RAP1GDS1: variants seen among roughly 807,000 people sequenced by gnomAD.
RAP1GDS1 encodes the protein Rap1 GTPase-GDP dissociation stimulator 1, also known as RAP1, GTP-GDP dissociation stimulator 1.
Under a neutral mutation model 71.1 loss-of-function variants are expected in RAP1GDS1, and 35 were observed. The observed-to-expected ratio is 0.49, with a 90% CI of 0.38 to 0.65. The LOEUF (loss-of-function observed/expected upper bound fraction) is 0.65, where lower values mean the gene tolerates loss of function less well. Among genes scored for constraint, RAP1GDS1 ranks in the 30% least tolerant of loss-of-function variants. The probability of loss-of-function intolerance (pLI) is 0.00; values close to 1 mark genes in which losing one functional copy is unlikely to be tolerated. For synonymous variants in RAP1GDS1, 229 were observed against 243.1 expected (o/e 0.94, Z 0.54); for missense variants, 663 against 706.1 (o/e 0.94, Z 0.69).
Position 98,436,980 on chromosome 4 carries a change from G to C in RAP1GDS1, c.1608G>C (p.Gln536His). Residue 536 changes from glutamine (Q) to histidine (H), a missense_variant, in exon 14 of 15, where the codon CAG becomes CAC. Transcript: ENST00000408927. ...ATCTAGAAAGTGCTAAACTTGTACA[G>C]ATTTTACATAGACTGCTAGCAGATG... ...EKDLESAKLVQILHRLLADER... is the reference protein window; with the variant it reads ...EKDLESAKLVHILHRLLADER... 1.2e-6 allele frequency: 2 copies of C among 1,612,348 alleles called. No homozygotes were observed. Among genetic ancestry groups the C allele is most frequent in the Non-Finnish European group, 1.7e-6 (2 of 1,179,548 alleles).
At chr4:98,317,225 TG>T (rs530014444) in intron 2 of RAP1GDS1, among the ~76,000 whole-genome samples, 21 of 152,282 alleles carry the variant, frequency 1.4e-4, no homozygotes, top group African/African-American at 3.4e-4. Flanking sequence ...CATCTTGCCT[TG>T]GCCTTTCCCC....
chr4:98,296,457 A>G (rs1727772343), intron 2 of RAP1GDS1, among the ~76,000 whole-genome samples: 1 of 152,168 alleles, frequency 6.6e-6, no homozygotes, highest in South Asian at 2.1e-4. Flanking sequence ...CTTAAGAGAC[A>G]AGAAGATTTG....
chr4:98,296,531 T>C (rs1245176947), intron 2 of RAP1GDS1, among the ~76,000 whole-genome samples: 1 of 152,146 alleles, frequency 6.6e-6, no homozygotes, highest in African/African-American at 2.4e-5. Flanking sequence ...ATCTATGATC[T>C]AAATTAATAT....
At chr4:98,346,133 A>G (rs1256287100) in intron 3 of RAP1GDS1, among the ~76,000 whole-genome samples, 2 of 152,206 alleles carry the variant, frequency 1.3e-5, no homozygotes, top group Admixed American at 1.3e-4. Context: ...GCTGATGAGT[A>G]TAAAGCTTGA....
intron 2 of RAP1GDS1, among the ~76,000 whole-genome samples, chr4:98,325,462 C>T (rs1404446145): frequency 1.3e-5 from 2 of 151,824 alleles, no homozygotes; most frequent in Non-Finnish European, 2.9e-5. Context: ...GCTATAAAGA[C>T]ACATGCACAT....
At chr4:98,398,415 C>T (rs1398207626) in intron 6 of RAP1GDS1, among the ~76,000 whole-genome samples, 9 of 152,018 alleles carry the variant, frequency 5.9e-5, no homozygotes. Flanking sequence ...GACCATAGCG[C>T]ATCAATGTGA....
intron 6 of RAP1GDS1, among the ~76,000 whole-genome samples, chr4:98,401,150 C>A (rs1468466874): frequency 6.6e-6 from 1 of 152,038 alleles, no homozygotes; most frequent in Non-Finnish European, 1.5e-5. Flanking sequence ...TGGGTTAGGT[C>A]AAAAAACTGG....
At chr4:98,369,372 G>A (rs1382152269) in intron 4 of RAP1GDS1, among the ~76,000 whole-genome samples, 1 of 152,108 alleles carries the variant, frequency 6.6e-6, no homozygotes, top group African/African-American at 2.4e-5. Context: ...ATATGATCTA[G>A]CTGTTTTATT....
chr4:98,429,852 G>C (rs1230652990), intron 12 of RAP1GDS1, among the ~76,000 whole-genome samples: 1 of 151,794 alleles, frequency 6.6e-6, no homozygotes, highest in Non-Finnish European at 1.5e-5. Flanking sequence ...GTTACATGTA[G>C]TAGTAAGGCT....
intron 2 of RAP1GDS1, among the ~76,000 whole-genome samples, chr4:98,299,189 A>G (rs1402017651): frequency 1.3e-5 from 2 of 152,188 alleles, no homozygotes; most frequent in Non-Finnish European, 2.9e-5. Flanking sequence ...TAGTTTGCTC[A>G]GAATGATGGT....
chr4:98,343,791 G>A (rs1463115144), intron 3 of RAP1GDS1, among the ~76,000 whole-genome samples: 1 of 152,098 alleles, frequency 6.6e-6, no homozygotes, highest in Non-Finnish European at 1.5e-5. Flanking sequence ...TTTAGATTGT[G>A]TACTATTTAT....
chr4:98,390,813 A>G (rs759238592), intron 5 of RAP1GDS1, among the ~76,000 whole-genome samples: 1 of 152,302 alleles, frequency 6.6e-6, no homozygotes, highest in South Asian at 2.1e-4. Context: ...TTTTTGTAAG[A>G]AAGTTTTGTC....
rs1167134141 is a variant in RAP1GDS1 at position 98,379,153 on chromosome 4, C to G, written c.498C>G (p.Ser166Arg). 10 of 1,592,378 alleles carry G rather than the reference C, an allele frequency of 6.3e-6. No individual in the cohort carries two copies. Among genetic ancestry groups the G allele is most frequent in the African/African-American group, 1.4e-5 (1 of 73,598 alleles). Residue 166 changes from serine to arginine, a missense_variant, in exon 5 of 15, where the codon AGC becomes AGG. By Grantham distance (110) the Ser-to-Arg change is moderately radical (BLOSUM62 -1). Transcript: ENST00000408927. ...TTTGTGGCATGCTGATGAACTATAGCAATGAGAATGGTAAACAAAACTGAA... is the reference window on the plus strand; with the variant it reads ...TTTGTGGCATGCTGATGAACTATAGGAATGAGAATGGTAAACAAAACTGAA... Reference protein sequence around the residue: ...TVFCGMLMNYSNENDSLQAQL... With the variant: ...TVFCGMLMNYRNENDSLQAQL...
At position 98,394,374 on chromosome 4, in the gene RAP1GDS1, T is replaced by TAAC. The variant is rs575060662; in HGVS notation, c.637+2297_637+2299dup. Among the ~76,000 whole-genome samples, 25 of 152,270 alleles carry TAAC rather than the reference T, an allele frequency of 1.6e-4. No homozygotes were observed. The East Asian group carries it at 4.8e-3, about 29-fold the overall frequency. ...ATTACCGCCTCTTATGAAAAGAGCA[T>TAAC]AACAAGAACTGTGGTAATGGAAGAG... is the stretch of plus-strand genomic sequence containing the variant. On this transcript the variant is annotated intron_variant, in intron 6 of 14. Coordinates refer to ENST00000408927, the MANE Select transcript of RAP1GDS1 (RefSeq NM_001100427.2).
chr4:98,266,486 G>A (rs1722732417), intron 1 of RAP1GDS1, among the ~76,000 whole-genome samples: 1 of 151,974 alleles, frequency 6.6e-6, no homozygotes. Flanking sequence ...CAAACTTATA[G>A]TCATTTTATT....
At chr4:98,304,099 A>T (rs977544052) in intron 2 of RAP1GDS1, among the ~76,000 whole-genome samples, 1 of 152,082 alleles carries the variant, frequency 6.6e-6, no homozygotes, top group African/African-American at 2.4e-5. Flanking sequence ...TCTATCATTG[A>T]TGGGCATTTG....
At chr4:98,389,898 A>AT (rs1387973789) in intron 5 of RAP1GDS1, among the ~76,000 whole-genome samples, 1 of 152,038 alleles carries the variant, frequency 6.6e-6, no homozygotes, top group African/African-American at 2.4e-5. Flanking sequence ...GGACTGTTGG[A>AT]TTTTTCATAG....
chr4:98,354,934 A>T (rs1737733795), intron 4 of RAP1GDS1, among the ~76,000 whole-genome samples: 1 of 152,204 alleles, frequency 6.6e-6, no homozygotes, highest in African/African-American at 2.4e-5. Flanking sequence ...TTATTGTGCC[A>T]TGCTTTCATA....
chr4:98,312,730 G>T (rs1730407666), intron 2 of RAP1GDS1, among the ~76,000 whole-genome samples: 1 of 150,956 alleles, frequency 6.6e-6, no homozygotes, highest in Non-Finnish European at 1.5e-5. Flanking sequence ...TAGATGTATA[G>T]ATATATATAT....
Sources: allele counts gnomAD v4.1 joint callset (sites outside exome capture counted in the v4.1 genomes callset), GRCh38; gene constraint gnomAD v4.1.1; transcripts MANE v1.5; gene names NCBI Gene and HGNC (gene_info 2026-07-23, HGNC 2026-07-21).